Variants in TTBK1 observed in about 807,000 individuals in gnomAD.
TTBK1 encodes tau tubulin kinase 1.
TTBK1 carries 34 observed loss-of-function variants against 108.5 expected under a neutral mutation model. That is an observed-to-expected ratio of 0.31 (90% CI 0.24 to 0.42). The LOEUF (loss-of-function observed/expected upper bound fraction) is 0.42, where lower values mean the gene tolerates loss of function less well. Among genes scored for constraint, TTBK1 ranks in the 10% least tolerant of loss-of-function variants. The probability of loss-of-function intolerance (pLI) is 1.00; values close to 1 mark genes in which losing one functional copy is unlikely to be tolerated. For synonymous variants in TTBK1, 809 were observed against 795.1 expected (o/e 1.02, Z -0.29); for missense variants, 1,539 against 1,826.0 (o/e 0.84, Z 2.86).
chr6:43,279,761 G>T (rs986094138), intron 13 of TTBK1, among the ~76,000 whole-genome samples: 25 of 151,246 alleles, frequency 1.7e-4, no homozygotes, highest in East Asian at 3.9e-4. Flanking sequence ...AAAGTTTTTT[G>T]TTGTTGTTGT....
intron 13 of TTBK1, among the ~76,000 whole-genome samples, chr6:43,278,531 G>T (rs1778068910): frequency 6.6e-6 from 1 of 152,194 alleles, no homozygotes; most frequent in South Asian, 2.1e-4. Flanking sequence ...CCAGGATTGT[G>T]TATTTTTAAA....
chr6:43,285,046 T>C lies in TTBK1; in HGVS notation c.3636T>C (p.Pro1212=). The change falls in exon 15 of 15, where the codon CCT becomes CCC. Residue 1212 remains proline (P), a synonymous_variant. Transcript: ENST00000259750. The surrounding 1 kb of genome is among the most constrained non-coding windows in gnomAD (Gnocchi z 4.7). Reference sequence around the variant, plus strand: ...CTGACCTCCGCCCCAAACAACCTCCTGGCCGCGGCCTGGGCCCAGGGCGAG... The same window carrying C: ...CTGACCTCCGCCCCAAACAACCTCCCGGCCGCGGCCTGGGCCCAGGGCGAG... ...TAADLRPKQP[P]GRGLGPGRAQ... is the part of the protein sequence containing the mutation. 1 of 1,511,610 alleles carries C rather than the reference T, an allele frequency of 6.6e-7. No homozygotes were observed. Among genetic ancestry groups the C allele is most frequent in the Non-Finnish European group, 8.8e-7 (1 of 1,136,636 alleles). 93.6% of individuals were successfully genotyped at this position (1,511,610 alleles called of 1,614,324 possible).
intron 13 of TTBK1, among the ~76,000 whole-genome samples, chr6:43,275,933 C>T (rs1034683175): frequency 6.6e-6 from 1 of 151,982 alleles, no homozygotes; most frequent in Admixed American, 6.5e-5. Context: ...TTCTCAGTGT[C>T]GAGCGAGGAG....
At position 43,263,382 on chromosome 6, in the gene TTBK1, T is replaced by G. The variant is rs1171624233; in HGVS notation, c.1986+32T>G. On this transcript the variant is annotated intron_variant, in intron 13 of 14. Transcript: ENST00000259750. The surrounding 1 kb of genome is among the most constrained non-coding windows in gnomAD (Gnocchi z 4.7). ...TTGGGCTTGCACCCCACTCCCCATC[T>G]CCAGATGCCCAGAGTCCTGGTGTGT... 6.9e-7 allele frequency: 1 copy of G among 1,445,272 alleles called. No individual in the cohort carries two copies. Among genetic ancestry groups the G allele is most frequent in the African/African-American group, 1.4e-5 (1 of 69,484 alleles). 89.5% of individuals were successfully genotyped at this position (1,445,272 alleles called of 1,614,324 possible).
At position 43,282,722 on chromosome 6, in the gene TTBK1, T is replaced by G. The variant is rs774818772; in HGVS notation, c.1987-5T>G. ...TCAGAGGGTCCCTGTGTATGCCCCT[T>G]GCAGGTGTTCTCCGTGGCGCCCCCA... On this transcript the variant is annotated splice_polypyrimidine_tract_variant and splice_region_variant and intron_variant, in intron 13 of 14. Transcript: ENST00000259750. This position sits in a 1 kb window ranked among gnomAD's most constrained non-coding sequence, Gnocchi z 5.4. 1 of 1,595,500 alleles carries G rather than the reference T, an allele frequency of 6.3e-7. No individual in the cohort carries two copies. Among genetic ancestry groups the G allele is most frequent in the African/African-American group, 1.4e-5 (1 of 73,656 alleles).
rs182973581 is a variant in TTBK1 at position 43,285,036 on chromosome 6, A to C, written c.3626A>C (p.Lys1209Thr). Residue 1209 changes from lysine to threonine, a missense_variant, in exon 15 of 15, where the codon AAA becomes ACA. Transcript: ENST00000259750. This position sits in a 1 kb window ranked among gnomAD's most constrained non-coding sequence, Gnocchi z 4.7. Reference protein sequence around the residue: ...GSATAADLRPKQPPGRGLGPG... With the variant: ...GSATAADLRPTQPPGRGLGPG... ...GCCACTGCTGCTGACCTCCGCCCCA[A>C]ACAACCTCCTGGCCGCGGCCTGGGC... The C allele has an allele frequency of 4.7e-4, 719 of 1,515,064 alleles. 5 individuals are homozygous for C. The African/African-American group carries it at 9.3e-3, about 20-fold the overall frequency. 93.9% of individuals were successfully genotyped at this position (1,515,064 alleles called of 1,614,324 possible). A position where few individuals can be genotyped will look rare whatever the true frequency, so the allele number is the denominator to read the frequency against.
intron 13 of TTBK1, chr6:43,271,217 T>C: frequency 1.0e-6 from 1 of 985,418 alleles, no homozygotes. Flanking sequence ...ATTTGCAAAA[T>C]GTTTATTTCA....
In TTBK1 at chr6:43,259,870, AGGGCCT is replaced by A. The variant is rs930076236; in HGVS notation, c.1424+168_1424+173del. 6.6e-6 allele frequency among the ~76,000 whole-genome samples: 1 copy of A among 152,216 alleles called. No individual in the cohort carries two copies. Among genetic ancestry groups the A allele is most frequent in the African/African-American group, 2.4e-5 (1 of 41,464 alleles). ...GTCAGACTCAGTTGGGGCCAGAGAC[AGGGCCT>A]GGGAGAACCAGTGGGGGATCCAGAG... On this transcript the variant is annotated intron_variant, in intron 12 of 14. Coordinates refer to ENST00000259750, the MANE Select transcript of TTBK1 (RefSeq NM_032538.3). The surrounding 1 kb of genome is among the most constrained non-coding windows in gnomAD (Gnocchi z 6.7).
rs1374726589 is a variant in TTBK1, at chr6:43,265,006, C to T, written c.1986+1656C>T. On this transcript the variant is annotated intron_variant, in intron 13 of 14. Transcript: ENST00000259750. This position sits in a 1 kb window ranked among gnomAD's most constrained non-coding sequence, Gnocchi z 4.1. Reference sequence around the variant, plus strand: ...GGTTATTCTGACAAGGACAGGGTGTCAGAATAGGCAGAGAGCCACTGGCCT... The same window carrying T: ...GGTTATTCTGACAAGGACAGGGTGTTAGAATAGGCAGAGAGCCACTGGCCT... 6.6e-6 allele frequency among the ~76,000 whole-genome samples: 1 copy of T among 152,168 alleles called. No homozygotes were observed. Among genetic ancestry groups the T allele is most frequent in the East Asian group, 1.9e-4 (1 of 5,196 alleles).
chr6:43,271,157 T>C (rs1777823457), intron 13 of TTBK1: 1 of 985,230 alleles, frequency 1.0e-6, no homozygotes, highest in East Asian at 1.1e-4. Flanking sequence ...AGTAGTGAAG[T>C]GGGTACTAGA....
Position 43,253,274 on chromosome 6 carries a change from A to T in TTBK1, c.257-17A>T. 6.2e-7 allele frequency: 1 copy of T among 1,613,932 alleles called. No homozygotes were observed. Among genetic ancestry groups the T allele is most frequent in the Non-Finnish European group, 8.5e-7 (1 of 1,179,828 alleles). On this transcript the variant is annotated splice_polypyrimidine_tract_variant and intron_variant, in intron 3 of 14. Coordinates refer to ENST00000259750, the MANE Select transcript of TTBK1 (RefSeq NM_032538.3). This position sits in a 1 kb window ranked among gnomAD's most constrained non-coding sequence, Gnocchi z 5.8. ...AGAAAGAGTAAGAGCTGGAAGACCT[A>T]TGTCTGTGCCCCTCAGGGAAGGACC...
Position 43,282,697 on chromosome 6 carries a change from T to A in TTBK1, c.1987-30T>A, listed in dbSNP as rs1448897994. On this transcript the variant is annotated intron_variant, in intron 13 of 14. Coordinates refer to ENST00000259750, the MANE Select transcript of TTBK1 (RefSeq NM_032538.3). This position sits in a 1 kb window ranked among gnomAD's most constrained non-coding sequence, Gnocchi z 5.4. ...CCTGGGCCCAGGAGGGTGGGTGACC[T>A]CAGAGGGTCCCTGTGTATGCCCCTT... The A allele has an allele frequency of 1.3e-6, 2 of 1,558,978 alleles. No homozygotes were observed.
At position 43,246,753 on chromosome 6, in the gene TTBK1, G is replaced by A. The variant is rs1167424783; in HGVS notation, c.93G>A (p.Lys31=). Residue 31 remains lysine (K), a synonymous_variant, in exon 2 of 15, where the codon AAG becomes AAA. Transcript: ENST00000259750. ...TCCTGCCGGCCAACTACGTGGTCAA[G>A]GATCGCTGGAAGGTGGTGAGTGAGT... ...ADILPANYVV[K]DRWKVLKKIG... The A allele has an allele frequency of 6.2e-7, 1 of 1,611,104 alleles. No homozygotes were observed. The highest frequency in any genetic ancestry group is 1.3e-5 in the African/African-American group (1 of 74,936).
At position 43,259,311 on chromosome 6, in the gene TTBK1, T is replaced by C; in HGVS notation, c.1248+42T>C. 6.8e-7 allele frequency: 1 copy of C among 1,474,140 alleles called. No homozygotes were observed. The highest frequency in any genetic ancestry group is 9.1e-7 in the Non-Finnish European group (1 of 1,093,018). 91.3% of individuals were successfully genotyped at this position (1,474,140 alleles called of 1,614,324 possible). ...CGAAGGGCGTGGGTGGCCTTTTCTCTCACCCCCGATTCCCAGCCTTGTGCC... is the reference window on the plus strand; with the variant it reads ...CGAAGGGCGTGGGTGGCCTTTTCTCCCACCCCCGATTCCCAGCCTTGTGCC... On this transcript the variant is annotated intron_variant, in intron 11 of 14. Coordinates refer to ENST00000259750, the MANE Select transcript of TTBK1 (RefSeq NM_032538.3). The surrounding 1 kb of genome is among the most constrained non-coding windows in gnomAD (Gnocchi z 6.7).
At position 43,285,191 on chromosome 6, in the gene TTBK1, T is replaced by C. The variant is rs2150718809; in HGVS notation, c.3781T>C (p.Ser1261Pro). The change falls in exon 15 of 15, where the codon TCC (serine) becomes CCC (proline). Residue 1261 changes from serine to proline, a missense_variant. Ser to Pro is a moderately conservative substitution (Grantham distance 74). Coordinates refer to ENST00000259750, the MANE Select transcript of TTBK1 (RefSeq NM_032538.3). This position sits in a 1 kb window ranked among gnomAD's most constrained non-coding sequence, Gnocchi z 4.7. The stretch of plus-strand genomic sequence containing the variant: ...GTCCCTGTCCCGCAGAGAGAGCCCC[T>C]CCCCCTCGCACCAGGCCCGGCCCGG... ...SQSLSRRESP[S>P]PSHQARPGVP... 5 of 1,357,216 alleles carry C rather than the reference T, an allele frequency of 3.7e-6. No homozygotes were observed. The highest frequency in any genetic ancestry group is 1.8e-5 in the South Asian group (1 of 54,274). 84.1% of individuals were successfully genotyped at this position (1,357,216 alleles called of 1,614,324 possible).
At chr6:43,258,196 G>C (rs1002965364) in intron 10 of TTBK1, among the ~76,000 whole-genome samples, 1 of 152,168 alleles carries the variant, frequency 6.6e-6, no homozygotes, top group Non-Finnish European at 1.5e-5. Flanking sequence ...CCCTGGGGGA[G>C]CAGGGAACCC....
chr6:43,271,350 CTGTG>C, intron 13 of TTBK1: 1 of 985,424 alleles, frequency 1.0e-6, no homozygotes. Context: ...AGGCTGTGCA[CTGTG>C]TAATTCCAGG....
In TTBK1 at chr6:43,263,715, G is replaced by A. The variant is rs184121829; in HGVS notation, c.1986+365G>A. 6.6e-6 allele frequency among the ~76,000 whole-genome samples: 1 copy of A among 152,314 alleles called. No individual in the cohort carries two copies. The highest frequency in any genetic ancestry group is 1.5e-5 in the Non-Finnish European group (1 of 68,016). On this transcript the variant is annotated intron_variant, in intron 13 of 14. Coordinates refer to ENST00000259750, the MANE Select transcript of TTBK1 (RefSeq NM_032538.3). This position sits in a 1 kb window ranked among gnomAD's most constrained non-coding sequence, Gnocchi z 4.7. ...GACAAGGCTGTGAGGTCAGCCCTGG[G>A]CCCTGCCACGGAGGGACTTGGGGCT...
At chr6:43,271,048 C>T in intron 13 of TTBK1, 1 of 985,484 alleles carries the variant, frequency 1.0e-6, no homozygotes, top group Non-Finnish European at 1.2e-6. Context: ...CTCTTCTGCC[C>T]ATTTCTCAGC....
Sources: gnomAD v4.1 joint callset for allele counts (sites outside exome capture counted in the v4.1 genomes callset) on GRCh38, gnomAD v4.1.1 for gene constraint, Gnocchi (gnomAD v3.1) non-coding constraint, MANE v1.5 for transcripts, NCBI Gene and HGNC (gene_info 2026-07-23, HGNC 2026-07-21) for gene names.